The following FAM168B variants were observed in gnomAD, a reference collection of about 807,000 sequenced individuals.
The protein encoded by FAM168B is myelin-associated neurite-outgrowth inhibitor.
In FAM168B, 19 loss-of-function variants were observed where a neutral mutation model predicts 21.8. The ratio of observed to expected loss-of-function variants is 0.87; its 90% confidence interval spans 0.61 to 1.28. The LOEUF (loss-of-function observed/expected upper bound fraction) is 1.28, where lower values mean the gene tolerates loss of function less well. Ranked by LOEUF, FAM168B falls within the 50% of genes most tolerant of loss-of-function variation. The probability of loss-of-function intolerance (pLI) is 0.00; values close to 1 mark genes in which losing one functional copy is unlikely to be tolerated. For missense variants in FAM168B, 233 were observed against 263.1 expected (o/e 0.89, Z 0.79); for synonymous variants, 126 against 104.8 (o/e 1.20, Z -1.24).
intron 1 of FAM168B, among the ~76,000 whole-genome samples, chr2:131,092,841 G>A (rs1030552491): frequency 6.6e-6 from 1 of 152,160 alleles, no homozygotes; most frequent in Admixed American, 6.5e-5. Context: ...TTTACTTCGT[G>A]GGTAGACAAA....
At chr2:131,065,456 A>G (rs1692503572) in intron 3 of FAM168B, among the ~76,000 whole-genome samples, 1 of 152,172 alleles carries the variant, frequency 6.6e-6, no homozygotes, top group African/African-American at 2.4e-5. Context: ...TTTTAAACAA[A>G]CCAAGGGTTT....
chr2:131,085,104 A>T (rs927225764), intron 1 of FAM168B, among the ~76,000 whole-genome samples: 2 of 152,146 alleles, frequency 1.3e-5, no homozygotes, highest in Admixed American at 1.3e-4. Context: ...AGGGGGGTAT[A>T]TGGGAACTCT....
chr2:131,049,786 C>G lies in FAM168B; in HGVS notation c.*2679G>C, dbSNP rs1204675596. The G allele has an allele frequency of 1.0e-6, 1 of 985,722 alleles. No individual in the cohort carries two copies. The highest frequency in any genetic ancestry group is 1.2e-6 in the Non-Finnish European group (1 of 829,940). 61.1% of individuals were successfully genotyped at this position (985,722 alleles called of 1,614,324 possible). A position where few individuals can be genotyped will look rare whatever the true frequency, so the allele number is the denominator to read the frequency against. On this transcript the variant is annotated 3_prime_UTR_variant, in exon 7 of 7. Transcript: ENST00000389915. Reference sequence around the variant, plus strand: ...TGTCAAACACACAAAAAGCAAATTTCTCAGAATGCTCCACCATATGCTTCG... The same window carrying G: ...TGTCAAACACACAAAAAGCAAATTTGTCAGAATGCTCCACCATATGCTTCG...
At chr2:131,085,894 G>A (rs984171587) in intron 1 of FAM168B, among the ~76,000 whole-genome samples, 23 of 152,202 alleles carry the variant, frequency 1.5e-4, no homozygotes, top group Non-Finnish European at 7.3e-5. Flanking sequence ...CATCTGAAAA[G>A]TAAGGCTAAA....
intron 2 of FAM168B, among the ~76,000 whole-genome samples, chr2:131,080,656 C>T (rs1693386694): frequency 2.0e-5 from 3 of 149,104 alleles, no homozygotes; most frequent in Non-Finnish European, 4.4e-5. Flanking sequence ...TTATAATAAG[C>T]ACTAAAAGAA....
rs762917335 is a variant in FAM168B at position 131,079,404 on chromosome 2, G to A, written c.70+3173C>T. ...GCAGGAGAATCACTTGAACTTGGGA[G>A]GCAGATGTTGCAGAGAGCCAAGATC... On this transcript the variant is annotated intron_variant, in intron 2 of 6. Coordinates refer to ENST00000389915, the MANE Select transcript of FAM168B (RefSeq NM_001009993.4). 3.2e-4 allele frequency among the ~76,000 whole-genome samples: 49 copies of A among 152,348 alleles called. 1 individual carries two copies. Among genetic ancestry groups the A allele is most frequent in the South Asian group, 6.2e-4 (3 of 4,826 alleles).
At chr2:131,083,943 C>G (rs539180463) in intron 1 of FAM168B, among the ~76,000 whole-genome samples, 1 of 151,946 alleles carries the variant, frequency 6.6e-6, no homozygotes, top group Non-Finnish European at 1.5e-5. Flanking sequence ...CTCGCTCTGT[C>G]GCTAGGCTGG....
In FAM168B at chr2:131,049,290, T is replaced by C. The variant is rs1691500880; in HGVS notation, c.*3175A>G. The C allele has an allele frequency of 6.1e-6, 6 of 985,346 alleles. No individual in the cohort carries two copies. Among genetic ancestry groups the C allele is most frequent in the African/African-American group, 1.7e-5 (1 of 57,206 alleles). 61.0% of individuals were successfully genotyped at this position (985,346 alleles called of 1,614,324 possible). On this transcript the variant is annotated 3_prime_UTR_variant, in exon 7 of 7. Transcript: ENST00000389915. The stretch of plus-strand genomic sequence containing the variant: ...GCCCAGCTGGGGAAGGGCAAGACAC[T>C]CACTGACCAGGTGCCCACCCCAAGG...
At chr2:131,071,983 CG>C (rs770338858) in intron 2 of FAM168B, 45 bp from the exon 3 acceptor site, 18 of 1,501,002 alleles carry the variant, frequency 1.2e-5, no homozygotes, top group Non-Finnish European at 1.6e-5. Flanking sequence ...ACTGAAGTAG[CG>C]ACAATCACTA....
chr2:131,067,152 T>C (rs577740174), intron 3 of FAM168B, among the ~76,000 whole-genome samples: 1 of 152,194 alleles, frequency 6.6e-6, no homozygotes, highest in African/African-American at 2.4e-5. Context: ...AAGATGAGAT[T>C]TGGGTGGGGA....
At chr2:131,058,118 C>T (rs910675451) in intron 3 of FAM168B, among the ~76,000 whole-genome samples, 3 of 142,922 alleles carry the variant, frequency 2.1e-5, no homozygotes, top group Non-Finnish European at 3.0e-5. Flanking sequence ...AGGTGTGAGC[C>T]TGTATATATA....
rs1031110899 is a variant in FAM168B, at chr2:131,052,056, C to T, written c.*409G>A. 18 of 985,776 alleles carry T rather than the reference C, an allele frequency of 1.8e-5. No homozygotes were observed. Among genetic ancestry groups the T allele is most frequent in the Non-Finnish European group, 2.2e-5 (18 of 829,914 alleles). 61.1% of individuals were successfully genotyped at this position (985,776 alleles called of 1,614,324 possible). A position where few individuals can be genotyped will look rare whatever the true frequency, so the allele number is the denominator to read the frequency against. On this transcript the variant is annotated 3_prime_UTR_variant, in exon 7 of 7. Transcript: ENST00000389915. Reference sequence around the variant, plus strand: ...AGACTTTGCATACATTACAACAGTGCATTAGTGATACAAGTTGTAAAATAC... The same window carrying T: ...AGACTTTGCATACATTACAACAGTGTATTAGTGATACAAGTTGTAAAATAC...
chr2:131,052,642 T>TG (rs1336515173), intron 6 of FAM168B, among the ~76,000 whole-genome samples, 190 bp from the exon 7 acceptor site: 1 of 151,892 alleles, frequency 6.6e-6, no homozygotes, highest in Non-Finnish European at 1.5e-5. Flanking sequence ...AGCAGGCAGG[T>TG]GGGGGGTTAG....
At chr2:131,075,151 C>G (rs1693076531) in intron 2 of FAM168B, among the ~76,000 whole-genome samples, 1 of 151,958 alleles carries the variant, frequency 6.6e-6, no homozygotes, top group Non-Finnish European at 1.5e-5. Flanking sequence ...GACAGCAGTT[C>G]TGGGGATGCT....
intron 2 of FAM168B, among the ~76,000 whole-genome samples, chr2:131,079,372 G>A (rs1180578178): frequency 2.0e-5 from 3 of 152,234 alleles, no homozygotes; most frequent in African/African-American, 7.2e-5. Context: ...CTGCTCAGGA[G>A]GCTGAGGCAG....
At chr2:131,063,621 T>C (rs910206867) in intron 3 of FAM168B, among the ~76,000 whole-genome samples, 5 of 152,018 alleles carry the variant, frequency 3.3e-5, no homozygotes, top group Non-Finnish European at 5.9e-5. Context: ...CTCTACAAAA[T>C]AAAAATTAGC....
intron 2 of FAM168B, among the ~76,000 whole-genome samples, chr2:131,078,777 T>C (rs955228290): frequency 6.6e-6 from 1 of 151,210 alleles, no homozygotes; most frequent in African/African-American, 2.4e-5. Context: ...GCACAGGAGT[T>C]TGAGATCAGC....
At chr2:131,083,268 C>G (rs559110249) in intron 1 of FAM168B, among the ~76,000 whole-genome samples, 2 of 152,334 alleles carry the variant, frequency 1.3e-5, no homozygotes, top group Middle Eastern at 6.8e-3. Flanking sequence ...GCAGGAGAAT[C>G]GCTTGAACCA....
At position 131,048,149 on chromosome 2, in the gene FAM168B, G is replaced by A. The variant is rs984675452; in HGVS notation, c.*4316C>T. 4 of 1,237,244 alleles carry A rather than the reference G, an allele frequency of 3.2e-6. No homozygotes were observed. Among genetic ancestry groups the A allele is most frequent in the Non-Finnish European group, 3.2e-6 (3 of 950,416 alleles). 76.6% of individuals were successfully genotyped at this position (1,237,244 alleles called of 1,614,324 possible). Reference sequence around the variant, plus strand: ...TTAAAAAAAGTACCGAGAGAACGGTGTAAAAAACGGTATTTAAAAATCATT... The same window carrying A: ...TTAAAAAAAGTACCGAGAGAACGGTATAAAAAACGGTATTTAAAAATCATT... On this transcript the variant is annotated 3_prime_UTR_variant, in exon 7 of 7. Transcript: ENST00000389915.
Sources: allele counts gnomAD v4.1 joint callset (sites outside exome capture counted in the v4.1 genomes callset), GRCh38; gene constraint gnomAD v4.1.1; transcripts MANE v1.5; gene names NCBI Gene and HGNC (gene_info 2026-07-23, HGNC 2026-07-21).